The following NCKAP5 variants were observed in gnomAD, a reference collection of about 807,000 sequenced individuals.
The protein encoded by NCKAP5 is NCK associated protein 5.
In NCKAP5, 92 loss-of-function variants were observed where a neutral mutation model predicts 167.0. The observed-to-expected ratio is 0.55, with a 90% CI of 0.47 to 0.66. The LOEUF (loss-of-function observed/expected upper bound fraction) is 0.66, where lower values mean the gene tolerates loss of function less well. Among genes scored for constraint, NCKAP5 ranks in the 30% least tolerant of loss-of-function variants. The pLI, the probability that NCKAP5 is intolerant of heterozygous loss-of-function variation, is 0.00. For missense variants in NCKAP5, 2,378 were observed against 2,315.0 expected (o/e 1.03, Z -0.56); for synonymous variants, 891 against 877.4 (o/e 1.02, Z -0.27).
chr2:133,629,375 A>G, the NCKAP5 span, among the ~76,000 whole-genome samples: 1 of 152,342 alleles, frequency 6.6e-6, no homozygotes, highest in South Asian at 2.1e-4. Context: ...AAAAACATGA[A>G]AAAAAGCTCA....
intron 6 of NCKAP5, among the ~76,000 whole-genome samples, chr2:133,098,533 G>A (rs1289582092): frequency 2.6e-5 from 4 of 152,026 alleles, no homozygotes; most frequent in East Asian, 1.9e-4. Flanking sequence ...CTTACTGCTC[G>A]TGGTTACTGG....
At chr2:132,831,982 A>C (rs1019288369) in intron 11 of NCKAP5, among the ~76,000 whole-genome samples, 1 of 152,080 alleles carries the variant, frequency 6.6e-6, no homozygotes, top group Non-Finnish European at 1.5e-5. Flanking sequence ...CAAAACTCCC[A>C]TTTAAACATT....
chr2:133,158,224 T>C (rs2083649128), intron 5 of NCKAP5, among the ~76,000 whole-genome samples: 1 of 152,234 alleles, frequency 6.6e-6, no homozygotes, highest in African/African-American at 2.4e-5. Flanking sequence ...TTTGCTGTCA[T>C]TGTGTTCTTT....
intron 6 of NCKAP5, among the ~76,000 whole-genome samples, chr2:133,012,361 C>A (rs113933755): frequency 1.3e-5 from 2 of 152,154 alleles, no homozygotes; most frequent in African/African-American, 2.4e-5. Context: ...CATTATCCTG[C>A]CTCAGCCTCC....
chr2:132,708,537 T>G (rs971681584), intron 19 of NCKAP5, among the ~76,000 whole-genome samples: 1 of 152,006 alleles, frequency 6.6e-6, no homozygotes, highest in African/African-American at 2.4e-5. Context: ...TCAGCCACAG[T>G]AGAAGAGAGC....
chr2:133,097,098 G>A (rs888661504), intron 6 of NCKAP5, among the ~76,000 whole-genome samples: 6 of 152,058 alleles, frequency 3.9e-5, no homozygotes, highest in South Asian at 2.1e-4. Flanking sequence ...TTGAACTGAC[G>A]GAACAAGGTG....
At chr2:133,351,636 T>C (rs901921465) in intron 3 of NCKAP5, among the ~76,000 whole-genome samples, 1 of 152,136 alleles carries the variant, frequency 6.6e-6, no homozygotes, top group Non-Finnish European at 1.5e-5. Context: ...GAGGAGGTAA[T>C]GCTCTTCACC....
At chr2:133,535,798 A>T (rs1412464172) in intron 2 of NCKAP5, among the ~76,000 whole-genome samples, 3 of 152,086 alleles carry the variant, frequency 2.0e-5, no homozygotes, top group Non-Finnish European at 4.4e-5. Flanking sequence ...TTTTGTCAGC[A>T]TCTTTTGATT....
At position 133,227,878 on chromosome 2, in the gene NCKAP5, A is replaced by G. The variant is rs112706875; in HGVS notation, c.144-14099T>C. 3.3e-5 allele frequency among the ~76,000 whole-genome samples: 5 copies of G among 152,330 alleles called. 1 individual carries two copies. The highest frequency in any genetic ancestry group is 1.2e-4 in the African/African-American group (5 of 41,578). On this transcript the variant is annotated intron_variant, in intron 4 of 19. Transcript: ENST00000409261. ...ATAAGAAAGGGGAGGTATTTATTGA[A>G]TGCGGTATGGTATTTCAGGAGGAAC...
intron 11 of NCKAP5, among the ~76,000 whole-genome samples, chr2:132,821,399 C>T (rs114286026): frequency 0.089 from 13,486 of 152,154 alleles, 673 homozygotes; most frequent in East Asian, 0.2. Context: ...CTAGCTTAAG[C>T]CCCAGGAAGC....
chr2:133,131,286 C>T (rs1353183032), intron 5 of NCKAP5, among the ~76,000 whole-genome samples: 2 of 152,188 alleles, frequency 1.3e-5, no homozygotes, highest in East Asian at 1.9e-4. Context: ...CTAGGTCTCT[C>T]GGTTGAAAGC....
chr2:132,785,937 G>A (rs1158793049), intron 13 of NCKAP5, among the ~76,000 whole-genome samples: 3 of 152,242 alleles, frequency 2.0e-5, no homozygotes, highest in African/African-American at 7.2e-5. Context: ...TAAAGAAACA[G>A]AAGGTAAAGG....
chr2:132,927,385 T>C (rs1255987265), intron 8 of NCKAP5, among the ~76,000 whole-genome samples: 5 of 152,104 alleles, frequency 3.3e-5, no homozygotes, highest in East Asian at 1.9e-4. Context: ...GATTTTTTTT[T>C]CCCAATTCTG....
intron 11 of NCKAP5, among the ~76,000 whole-genome samples, chr2:132,818,636 C>T (rs1239780112): frequency 4.6e-5 from 7 of 152,072 alleles, no homozygotes; most frequent in African/African-American, 1.7e-4. Context: ...TGCAGTGAGC[C>T]GAGATTGTGC....
intron 5 of NCKAP5, among the ~76,000 whole-genome samples, chr2:133,188,321 C>T (rs970091164): frequency 6.6e-6 from 1 of 152,032 alleles, no homozygotes; most frequent in Non-Finnish European, 1.5e-5. Flanking sequence ...CAGACTCCCA[C>T]ACAATAATGA....
At chr2:133,137,517 G>T (rs1574146985) in intron 5 of NCKAP5, among the ~76,000 whole-genome samples, 2 of 151,264 alleles carry the variant, frequency 1.3e-5, no homozygotes, top group African/African-American at 2.4e-5. Flanking sequence ...GGGGTAGAGG[G>T]TAGAAATTTC....
chr2:133,423,485 GCTTA>G (rs1228673282), intron 3 of NCKAP5, among the ~76,000 whole-genome samples: 1 of 151,886 alleles, frequency 6.6e-6, no homozygotes, highest in African/African-American at 2.4e-5. Flanking sequence ...AACCCTTTTT[GCTTA>G]CTAACATATA....
At chr2:133,119,385 A>G (rs2082184091) in intron 6 of NCKAP5, among the ~76,000 whole-genome samples, 1 of 152,176 alleles carries the variant, frequency 6.6e-6, no homozygotes, top group Non-Finnish European at 1.5e-5. Flanking sequence ...CAGGGTGATA[A>G]TAATTAAGTT....
At chr2:132,768,079 G>A (rs1681677605) in intron 16 of NCKAP5, among the ~76,000 whole-genome samples, 2 of 152,198 alleles carry the variant, frequency 1.3e-5, no homozygotes, top group South Asian at 4.1e-4. Context: ...GAACCAGGGG[G>A]CACTGTGGCC....
Sources: gnomAD v4.1 joint callset for allele counts (sites outside exome capture counted in the v4.1 genomes callset) on GRCh38, gnomAD v4.1.1 for gene constraint, MANE v1.5 for transcripts, NCBI Gene and HGNC (gene_info 2026-07-23, HGNC 2026-07-21) for gene names.